The following GPC5 variants were observed in gnomAD, a reference collection of about 807,000 sequenced individuals.
GPC5 encodes glypican-5.
A neutral mutation model predicts 53.9 loss-of-function variants in GPC5; 47 were observed. The ratio of observed to expected loss-of-function variants is 0.87; its 90% confidence interval spans 0.69 to 1.11. GPC5 has a LOEUF of 1.11. Ranked by LOEUF, GPC5 falls within the 50% of genes most tolerant of loss-of-function variation. The pLI is 0.00. For missense variants in GPC5, 748 were observed against 713.1 expected (o/e 1.05, Z -0.56); for synonymous variants, 286 against 263.3 (o/e 1.09, Z -0.84).
rs1566418294 is a variant in GPC5 at position 91,459,455 on chromosome 13, CTGG to C, written c.325+10534_325+10536del. Among the ~76,000 whole-genome samples the C allele has an allele frequency of 2.0e-5, 3 of 150,142 alleles. No individual in the cohort carries two copies. The East Asian group carries it at 6.2e-4, about 31-fold the overall frequency. On this transcript the variant is annotated intron_variant, in intron 2 of 7. Transcript: ENST00000377067. ...TATCTCTTATGATCCTTAGTGGGCC[CTGG>C]ACATAGTAAGAAAAGAATTGAAGCC...
chr13:92,150,152 T>G (rs2041896871), intron 7 of GPC5, among the ~76,000 whole-genome samples: 1 of 151,966 alleles, frequency 6.6e-6, no homozygotes, highest in East Asian at 1.9e-4. Flanking sequence ...CTAAAAATAA[T>G]CTTTGGAAGG....
chr13:91,697,586 T>C (rs2035906671), intron 3 of GPC5, among the ~76,000 whole-genome samples: 1 of 152,164 alleles, frequency 6.6e-6, no homozygotes, highest in Non-Finnish European at 1.5e-5. Context: ...TCAGAAAATA[T>C]TAGACAAGTC....
At chr13:91,731,324 T>A (rs979648924) in intron 4 of GPC5, among the ~76,000 whole-genome samples, 1 of 152,136 alleles carries the variant, frequency 6.6e-6, no homozygotes, top group African/African-American at 2.4e-5. Context: ...ACCAGCCAAA[T>A]AGGCGAGGTA....
intron 7 of GPC5, among the ~76,000 whole-genome samples, chr13:92,382,836 A>G (rs146283656): frequency 0.014 from 2,094 of 151,420 alleles, 52 homozygotes; most frequent in African/African-American, 0.048. Flanking sequence ...GTCTCTACTA[A>G]AAAATACAAA....
chr13:92,241,712 C>A (rs572568029), intron 7 of GPC5: 1 of 152,058 alleles, frequency 6.6e-6, no homozygotes, highest in Non-Finnish European at 1.5e-5. Flanking sequence ...ATACATATGT[C>A]TTTGAGGTAG....
chr13:91,436,392 G>T (rs556424354), intron 1 of GPC5, among the ~76,000 whole-genome samples: 1 of 151,874 alleles, frequency 6.6e-6, no homozygotes, highest in Admixed American at 6.6e-5. Flanking sequence ...TTGTGTCTTT[G>T]TTCTCGTTGG....
intron 7 of GPC5, among the ~76,000 whole-genome samples, chr13:92,757,261 G>A (rs1418849649): frequency 6.6e-6 from 1 of 152,200 alleles, no homozygotes; most frequent in Non-Finnish European, 1.5e-5. Flanking sequence ...ATGGTGCTGG[G>A]AAAACTGGCT....
intron 5 of GPC5, among the ~76,000 whole-genome samples, chr13:91,788,083 C>G (rs1164526874): frequency 6.6e-6 from 1 of 151,982 alleles, no homozygotes; most frequent in Non-Finnish European, 1.5e-5. Context: ...ACTTCTTGGC[C>G]TGCTATAACA....
intron 7 of GPC5, chr13:92,701,517 C>A (rs914156745): frequency 6.6e-5 from 10 of 152,074 alleles, no homozygotes; most frequent in South Asian, 6.2e-4. Context: ...CTTGAAATAT[C>A]TGCAACAAAA....
intron 7 of GPC5, among the ~76,000 whole-genome samples, chr13:92,417,562 A>G (rs1166973802): frequency 6.6e-6 from 1 of 152,180 alleles, no homozygotes; most frequent in Non-Finnish European, 1.5e-5. Flanking sequence ...AAGATTATTC[A>G]TAATTGCTAA....
At chr13:92,332,352 A>G (rs902008229) in intron 7 of GPC5, among the ~76,000 whole-genome samples, 3 of 152,150 alleles carry the variant, frequency 2.0e-5, no homozygotes, top group Non-Finnish European at 2.9e-5. Context: ...TTTTTTACCT[A>G]CAAGTGGCTT....
intron 2 of GPC5, among the ~76,000 whole-genome samples, chr13:91,567,441 T>C (rs1413426442): frequency 6.6e-6 from 1 of 152,200 alleles, no homozygotes; most frequent in Admixed American, 6.6e-5. Context: ...GGTCAAAGGT[T>C]ATAGCATTTC....
intron 2 of GPC5, among the ~76,000 whole-genome samples, chr13:91,611,938 G>A (rs1019343042): frequency 6.6e-6 from 1 of 152,080 alleles, no homozygotes; most frequent in Non-Finnish European, 1.5e-5. Flanking sequence ...CTGCAGCTGG[G>A]CCCCACCTGA....
intron 2 of GPC5, among the ~76,000 whole-genome samples, chr13:91,575,896 T>C (rs1489163822): frequency 6.6e-6 from 1 of 152,146 alleles, no homozygotes; most frequent in African/African-American, 2.4e-5. Flanking sequence ...TTACTTTCAG[T>C]GTCAAAGAAT....
chr13:91,402,220 A>G (rs1280979641), intron 1 of GPC5, among the ~76,000 whole-genome samples: 1 of 152,206 alleles, frequency 6.6e-6, no homozygotes, highest in African/African-American at 2.4e-5. Context: ...GTTTGTTGAT[A>G]TAGAAATCTA....
chr13:92,162,249 C>T (rs373512533), intron 7 of GPC5, among the ~76,000 whole-genome samples: 3 of 151,828 alleles, frequency 2.0e-5, no homozygotes, highest in African/African-American at 7.3e-5. Flanking sequence ...GGTTATTTTT[C>T]GTTTGAAATG....
intron 7 of GPC5, among the ~76,000 whole-genome samples, chr13:92,267,913 G>A (rs950161428): frequency 4.6e-5 from 7 of 151,896 alleles, no homozygotes; most frequent in African/African-American, 1.4e-4. Flanking sequence ...TTCATGACCT[G>A]TTTCTTAACA....
rs188445665 is a variant in GPC5 at position 92,027,152 on chromosome 13, A to G, written c.1402-117678A>G. On this transcript the variant is annotated intron_variant, in intron 6 of 7. Transcript: ENST00000377067. ...AGTCATATCTGGTGTTTTATCTCCA[A>G]CATTAATAAGTACATATTTTCCTTT... Among the ~76,000 whole-genome samples, 4 of 152,322 alleles carry G rather than the reference A, an allele frequency of 2.6e-5. No individual in the cohort carries two copies. The East Asian group carries it at 7.7e-4, about 29-fold the overall frequency.
intron 6 of GPC5, among the ~76,000 whole-genome samples, chr13:91,915,912 T>A (rs1420802384): frequency 6.6e-6 from 1 of 152,160 alleles, no homozygotes; most frequent in African/African-American, 2.4e-5. Flanking sequence ...TTACTAGACA[T>A]AAGTGTTCAT....
Sources: allele counts gnomAD v4.1 joint callset (sites outside exome capture counted in the v4.1 genomes callset), GRCh38; gene constraint gnomAD v4.1.1; transcripts MANE v1.5; gene names NCBI Gene and HGNC (gene_info 2026-07-23, HGNC 2026-07-21).